OSBPL10: variants seen among roughly 807,000 people sequenced by gnomAD.
OSBPL10 encodes oxysterol-binding protein-related protein 10.
A neutral mutation model predicts 81.7 loss-of-function variants in OSBPL10; 49 were observed. The observed-to-expected ratio is 0.60, with a 90% CI of 0.48 to 0.76. The LOEUF (loss-of-function observed/expected upper bound fraction) is 0.76. Among genes scored for constraint, OSBPL10 ranks in the 30% least tolerant of loss-of-function variants. OSBPL10 has a pLI of 0.00. For synonymous variants in OSBPL10, 419 were observed against 383.6 expected (o/e 1.09, Z -1.08); for missense variants, 923 against 987.8 (o/e 0.93, Z 0.88).
chr3:31,702,494 AGAGCCT>A lies in OSBPL10; in HGVS notation c.1104_1109del (p.Gly369_Ser370del), dbSNP rs765862063. The A allele has an allele frequency of 6.2e-7, 1 of 1,614,094 alleles. No homozygotes were observed. The highest frequency in any genetic ancestry group is 8.5e-7 in the Non-Finnish European group (1 of 1,180,044). On this transcript the variant is annotated inframe_deletion, in exon 7 of 12. Transcript: ENST00000396556. ...TTTCATCTTCAGACAAAACCAATTC[AGAGCCT>A]GAGTTTGGCTAAAATGAAATAATCA...
At chr3:32,014,591 G>T (rs1294417683) in intron 2 of OSBPL10, among the ~76,000 whole-genome samples, 2 of 152,070 alleles carry the variant, frequency 1.3e-5, no homozygotes, top group Non-Finnish European at 2.9e-5. Context: ...GGAAGTTCTG[G>T]CCAGGGCAAT....
chr3:31,696,440 T>C (rs1695723710), intron 7 of OSBPL10, among the ~76,000 whole-genome samples: 1 of 152,256 alleles, frequency 6.6e-6, no homozygotes, highest in African/African-American at 2.4e-5. Flanking sequence ...TTATACCACA[T>C]TTTTTCCCAT....
At chr3:31,916,869 T>C (rs1298286247) in intron 1 of OSBPL10, among the ~76,000 whole-genome samples, 1 of 152,252 alleles carries the variant, frequency 6.6e-6, no homozygotes, top group Non-Finnish European at 1.5e-5. Flanking sequence ...AATGGTTGCT[T>C]ATCTCTGCTT....
At chr3:32,015,360 T>A (rs1313311599) in intron 2 of OSBPL10, among the ~76,000 whole-genome samples, 9 of 152,238 alleles carry the variant, frequency 5.9e-5, no homozygotes, top group African/African-American at 2.2e-4. Flanking sequence ...ATTCCCTATT[T>A]AGTAAATGGT....
intron 1 of OSBPL10, among the ~76,000 whole-genome samples, chr3:31,936,919 G>T (rs1025988126): frequency 6.6e-6 from 1 of 152,058 alleles, no homozygotes; most frequent in African/African-American, 2.4e-5. Context: ...TTATCTTTCT[G>T]CTTTCTAGAT....
intron 1 of OSBPL10, among the ~76,000 whole-genome samples, chr3:31,889,811 A>C (rs1695842751): frequency 1.3e-5 from 2 of 152,226 alleles, no homozygotes; most frequent in Admixed American, 1.3e-4. Context: ...GCATGTTCCC[A>C]GCACAAAGAA....
At chr3:32,003,341 G>A (rs1350203612) in intron 2 of OSBPL10, among the ~76,000 whole-genome samples, 1 of 152,218 alleles carries the variant, frequency 6.6e-6, no homozygotes, top group Non-Finnish European at 1.5e-5. Context: ...GCCCCCAGAG[G>A]GGAAGTGCTA....
chr3:31,883,610 C>T (rs1695653385), intron 1 of OSBPL10, among the ~76,000 whole-genome samples: 1 of 148,468 alleles, frequency 6.7e-6, no homozygotes, highest in Non-Finnish European at 1.5e-5. Flanking sequence ...TGGCTTACTG[C>T]AACCTCCACC....
At chr3:31,804,213 C>T (rs1052772160) in intron 4 of OSBPL10, among the ~76,000 whole-genome samples, 4 of 152,124 alleles carry the variant, frequency 2.6e-5, no homozygotes, top group African/African-American at 7.2e-5. Flanking sequence ...TTTGTTCATC[C>T]TATTATTTAT....
At chr3:32,026,057 T>TAGATGATAGATAGATAGATA (rs58717718) in intron 2 of OSBPL10, among the ~76,000 whole-genome samples, 1 of 111,346 alleles carries the variant, frequency 9.0e-6, no homozygotes, top group Non-Finnish European at 1.9e-5. Context: ...GATAGATAGA[T>TAGATGATAGATAGATAGATA]GATAGATAGA....
At chr3:31,834,035 G>A (rs1445490301) in intron 3 of OSBPL10, among the ~76,000 whole-genome samples, 15 of 152,104 alleles carry the variant, frequency 9.9e-5, no homozygotes, top group East Asian at 3.9e-4. Flanking sequence ...GGATAAACAT[G>A]AGCAAAAAAG....
intron 2 of OSBPL10, among the ~76,000 whole-genome samples, chr3:32,011,425 C>T (rs1308381388): frequency 3.3e-5 from 5 of 152,112 alleles, no homozygotes; most frequent in Admixed American, 6.5e-5. Context: ...GACATCCACA[C>T]CAAAACCCCA....
At chr3:31,827,424 C>T (rs923430463) in intron 4 of OSBPL10, among the ~76,000 whole-genome samples, 7 of 152,074 alleles carry the variant, frequency 4.6e-5, no homozygotes, top group Non-Finnish European at 8.8e-5. Context: ...ATCACGAGGT[C>T]AGGAGATCAA....
chr3:31,818,510 C>G (rs1365952714), intron 4 of OSBPL10, among the ~76,000 whole-genome samples: 3 of 152,184 alleles, frequency 2.0e-5, no homozygotes, highest in Non-Finnish European at 2.9e-5. Flanking sequence ...TCCGAAGAAC[C>G]CTGACTAGCA....
At chr3:31,668,940 G>T in intron 9 of OSBPL10, 116 bp from the exon 10 acceptor site, 4 of 900,126 alleles carry the variant, frequency 4.4e-6, no homozygotes, top group South Asian at 2.7e-5. Flanking sequence ...AGGAGGGATT[G>T]TTTTTGCAGC....
chr3:31,736,874 G>A (rs1278076616), intron 5 of OSBPL10, among the ~76,000 whole-genome samples: 2 of 152,124 alleles, frequency 1.3e-5, no homozygotes, highest in Non-Finnish European at 2.9e-5. Context: ...TCCAGCCCAG[G>A]CAACACAGTA....
In OSBPL10 at chr3:31,693,460, G is replaced by A. The variant is rs367934061; in HGVS notation, c.1245+8899C>T. 2.1e-3 allele frequency among the ~76,000 whole-genome samples: 313 copies of A among 152,272 alleles called. 1 individual carries two copies. Among genetic ancestry groups the A allele is most frequent in the African/African-American group, 7.1e-3 (294 of 41,552 alleles). ...ACTATTTGTTGGGAAAGTAAATAAC[G>A]CAGCAATGTGGTAGAATGTTATATA... is the stretch of plus-strand genomic sequence containing the variant. On this transcript the variant is annotated intron_variant, in intron 7 of 11. Coordinates refer to ENST00000396556, the MANE Select transcript of OSBPL10 (RefSeq NM_017784.5).
intron 1 of OSBPL10, among the ~76,000 whole-genome samples, chr3:32,050,483 A>G (rs1699661284): frequency 6.6e-6 from 1 of 152,146 alleles, no homozygotes; most frequent in Admixed American, 6.5e-5. Context: ...TGGTGTTTCT[A>G]AATCTTGAAA....
chr3:31,940,972 C>A (rs1189025415), intron 1 of OSBPL10, among the ~76,000 whole-genome samples: 2 of 152,114 alleles, frequency 1.3e-5, no homozygotes, highest in Non-Finnish European at 2.9e-5. Context: ...TGTGCTTAAC[C>A]ATTTCCCTCC....
Sources: gnomAD v4.1 joint callset for allele counts (sites outside exome capture counted in the v4.1 genomes callset) on GRCh38, gnomAD v4.1.1 for gene constraint, MANE v1.5 for transcripts, NCBI Gene and HGNC (gene_info 2026-07-23, HGNC 2026-07-21) for gene names.